TMEM108: variants seen among roughly 807,000 people sequenced by gnomAD.
TMEM108 encodes transmembrane protein 108, also known as cancer/testis antigen 124.
A neutral mutation model predicts 35.1 loss-of-function variants in TMEM108; 12 were observed. The ratio of observed to expected loss-of-function variants is 0.34; its 90% confidence interval spans 0.22 to 0.55. TMEM108 has a LOEUF of 0.55. Among genes scored for constraint, TMEM108 ranks in the 20% least tolerant of loss-of-function variants. TMEM108 has a pLI of 0.89. For synonymous variants in TMEM108, 287 were observed against 308.6 expected, an observed-to-expected ratio of 0.93 and a Z score of 0.73; for missense variants, 680 against 753.3, an observed-to-expected ratio of 0.90 and a Z score of 1.14.
At chr3:133,079,396 G>A (rs1283965398) in intron 2 of TMEM108, among the ~76,000 whole-genome samples, 1 of 152,172 alleles carries the variant, frequency 6.6e-6, no homozygotes, top group Non-Finnish European at 1.5e-5. Context: ...TATAGACTAG[G>A]TGGCTTGTAA....
In TMEM108 at chr3:133,093,993, G is replaced by C. The variant is rs545189566; in HGVS notation, c.-47+47973G>C. ...TGTTGACATGTGAAGCAGACACCTGGGTAGATTAACAAGGCCTGAGGAACT... is the reference window on the plus strand; with the variant it reads ...TGTTGACATGTGAAGCAGACACCTGCGTAGATTAACAAGGCCTGAGGAACT... On this transcript the variant is annotated intron_variant, in intron 2 of 5. Transcript: ENST00000321871. 3.3e-5 allele frequency among the ~76,000 whole-genome samples: 5 copies of C among 152,154 alleles called. No individual in the cohort carries two copies. In the South Asian group the frequency reaches 1.0e-3, roughly 32 times the overall value.
intron 2 of TMEM108, among the ~76,000 whole-genome samples, chr3:133,226,951 A>T (rs2107650383): frequency 6.6e-6 from 1 of 152,208 alleles, no homozygotes; most frequent in African/African-American, 2.4e-5. Flanking sequence ...GCAGGCAAAG[A>T]GAGAGAGCTT....
intron 3 of TMEM108, among the ~76,000 whole-genome samples, chr3:133,370,756 C>T (rs777929874): frequency 6.6e-6 from 1 of 152,058 alleles, no homozygotes; most frequent in Non-Finnish European, 1.5e-5. Flanking sequence ...CTCCTGTCAC[C>T]GCAAATTGTA....
chr3:133,072,140 G>A (rs1943683343), intron 2 of TMEM108, among the ~76,000 whole-genome samples: 1 of 152,000 alleles, frequency 6.6e-6, no homozygotes, highest in Non-Finnish European at 1.5e-5. Flanking sequence ...TTATTTCTGG[G>A]CTCTCTATTC....
At chr3:133,229,003 A>G (rs1380502799) in intron 2 of TMEM108, among the ~76,000 whole-genome samples, 1 of 152,196 alleles carries the variant, frequency 6.6e-6, no homozygotes, top group African/African-American at 2.4e-5. Flanking sequence ...AAAGTCTTCA[A>G]TTCTGAACCC....
Position 133,395,967 on chromosome 3 carries a change from A to G in TMEM108, c.1709A>G (p.Asp570Gly). The change falls in exon 6 of 6, where the codon GAT becomes GGT. Residue 570 changes from aspartate (D) to glycine (G), a missense_variant. Physicochemically the swap from Asp to Gly is moderately conservative, Grantham distance 94. Coordinates refer to ENST00000321871, the MANE Select transcript of TMEM108 (RefSeq NM_023943.4). The stretch of plus-strand genomic sequence containing the variant: ...CAAGAAACACTGTTTGTGGGAAACG[A>G]TCAAGTATCTGAGATCTAACTACAG... ...FCQETLFVGN[D>G]QVSEI The G allele has an allele frequency of 6.2e-7, 1 of 1,601,078 alleles. No homozygotes were observed.
intron 3 of TMEM108, among the ~76,000 whole-genome samples, chr3:133,325,812 T>C (rs1576457045): frequency 6.6e-6 from 1 of 151,570 alleles, no homozygotes; most frequent in Admixed American, 6.6e-5. Flanking sequence ...ATATGGAATA[T>C]GGCTGGGAAT....
At chr3:133,332,651 A>G (rs542808103) in intron 3 of TMEM108, among the ~76,000 whole-genome samples, 3 of 152,328 alleles carry the variant, frequency 2.0e-5, no homozygotes, top group South Asian at 2.1e-4. Context: ...GGGTGCTGGT[A>G]TATTTCAAGA....
chr3:133,289,379 G>A (rs192690394), intron 3 of TMEM108, among the ~76,000 whole-genome samples: 1 of 152,284 alleles, frequency 6.6e-6, no homozygotes, highest in Admixed American at 6.5e-5. Flanking sequence ...TTATGAAACA[G>A]CACCAAAGTG....
intron 2 of TMEM108, among the ~76,000 whole-genome samples, chr3:133,186,649 C>G (rs1945425491): frequency 6.6e-6 from 1 of 152,142 alleles, no homozygotes; most frequent in African/African-American, 2.4e-5. Context: ...GTCATTGTCC[C>G]TGGAAAGAAC....
intron 3 of TMEM108, among the ~76,000 whole-genome samples, chr3:133,295,590 G>A (rs567226795): frequency 2.0e-5 from 3 of 152,326 alleles, no homozygotes; most frequent in Admixed American, 6.5e-5. Context: ...GAAGTGTGCA[G>A]TGACTTGCCC....
rs1360779868 is a variant in TMEM108, at chr3:133,253,913, T to G, written c.40+24562T>G. ...CCTGATCTCACATAGTTCAAAATAA[T>G]TCCAACAAATTCGGGAGGTAACTAA... On this transcript the variant is annotated intron_variant, in intron 3 of 5. Transcript: ENST00000321871. 7.9e-5 allele frequency among the ~76,000 whole-genome samples: 12 copies of G among 152,194 alleles called. No individual in the cohort carries two copies. The East Asian group carries it at 2.3e-3, about 29-fold the overall frequency.
intron 2 of TMEM108, among the ~76,000 whole-genome samples, chr3:133,103,784 T>C (rs1220670381): frequency 6.6e-6 from 1 of 152,190 alleles, no homozygotes; most frequent in Non-Finnish European, 1.5e-5. Flanking sequence ...CCCATGGTTA[T>C]GAGCATGAAG....
At chr3:133,322,452 A>G (rs2071278179) in intron 3 of TMEM108, among the ~76,000 whole-genome samples, 1 of 152,198 alleles carries the variant, frequency 6.6e-6, no homozygotes, top group African/African-American at 2.4e-5. Flanking sequence ...GGAAATACAC[A>G]ACCCTCTTAG....
chr3:133,342,583 G>A (rs150104416), intron 3 of TMEM108, among the ~76,000 whole-genome samples: 1,191 of 48,704 alleles, frequency 0.024, 25 homozygotes, highest in African/African-American at 0.083. Flanking sequence ...GGAGTACTCT[G>A]CAGCCATAAA....
chr3:133,316,788 T>C (rs776693129), intron 3 of TMEM108, among the ~76,000 whole-genome samples: 3 of 152,148 alleles, frequency 2.0e-5, no homozygotes, highest in Non-Finnish European at 4.4e-5. Context: ...CCTCAGTTTG[T>C]AGTGGGCAAG....
At chr3:133,365,498 G>T (rs1276092061) in intron 3 of TMEM108, among the ~76,000 whole-genome samples, 1 of 152,162 alleles carries the variant, frequency 6.6e-6, no homozygotes, top group East Asian at 1.9e-4. Context: ...CTATGGTTGG[G>T]GTGAGGGAGG....
chr3:133,214,715 CT>C (rs1337420490), intron 2 of TMEM108, among the ~76,000 whole-genome samples: 1 of 152,156 alleles, frequency 6.6e-6, no homozygotes, highest in African/African-American at 2.4e-5. Context: ...AGTCCATGGC[CT>C]GTTAGGAACC....
Position 133,066,513 on chromosome 3 carries a change from G to C in TMEM108, c.-47+20493G>C, listed in dbSNP as rs542622190. On this transcript the variant is annotated intron_variant, in intron 2 of 5. Coordinates refer to ENST00000321871, the MANE Select transcript of TMEM108 (RefSeq NM_023943.4). ...GCTGGCTTTTAGGGCCGATATTCAT[G>C]CTTTTGCATGGACACATATATGAAG... 9.9e-5 allele frequency among the ~76,000 whole-genome samples: 15 copies of C among 152,198 alleles called. No homozygotes were observed. In the South Asian group the frequency reaches 2.9e-3, roughly 29 times the overall value.
Sources: allele counts gnomAD v4.1 joint callset (sites outside exome capture counted in the v4.1 genomes callset), GRCh38; gene constraint gnomAD v4.1.1; transcripts MANE v1.5; gene names NCBI Gene and HGNC (gene_info 2026-07-23, HGNC 2026-07-21).